The following USP2 variants were observed in gnomAD, a reference collection of about 807,000 sequenced individuals.
The protein encoded by USP2 is ubiquitin carboxyl-terminal hydrolase 2.
A neutral mutation model predicts 72.0 loss-of-function variants in USP2; 33 were observed. The observed-to-expected ratio is 0.46, with a 90% CI of 0.35 to 0.61. The LOEUF (loss-of-function observed/expected upper bound fraction) is 0.61. Ranked by LOEUF, USP2 falls within the 20% of genes least tolerant of loss-of-function variation. USP2 has a pLI of 0.01. For missense variants in USP2, 691 were observed against 797.8 expected (o/e 0.87, Z 1.61); for synonymous variants, 296 against 312.5 (o/e 0.95, Z 0.56).
intron 1 of USP2, among the ~76,000 whole-genome samples, chr11:119,381,201 A>T (rs1490154320): frequency 6.6e-6 from 1 of 152,030 alleles, no homozygotes; most frequent in Non-Finnish European, 1.5e-5. Flanking sequence ...ACCGATATAC[A>T]CGGGGCACAG....
At position 119,356,659 on chromosome 11, in the gene USP2, C is replaced by T; in HGVS notation, c.*176G>A. On this transcript the variant is annotated 3_prime_UTR_variant, in exon 13 of 13. Coordinates refer to ENST00000260187, the MANE Select transcript of USP2 (RefSeq NM_004205.5). ...CCTGCCGGGCCACAGCTCAGGAAAGCCCGGCTCCTTGCTCCAGACCCTGAT... is the reference window on the plus strand; with the variant it reads ...CCTGCCGGGCCACAGCTCAGGAAAGTCCGGCTCCTTGCTCCAGACCCTGAT... The T allele has an allele frequency of 1.5e-6, 1 of 648,150 alleles. No individual in the cohort carries two copies. Among genetic ancestry groups the T allele is most frequent in the Non-Finnish European group, 2.6e-6 (1 of 388,352 alleles). 40.1% of individuals were successfully genotyped at this position (648,150 alleles called of 1,614,324 possible).
chr11:119,379,137 G>A (rs948715654), intron 1 of USP2: 208 of 985,350 alleles, frequency 2.1e-4, no homozygotes, highest in Non-Finnish European at 2.4e-4. Flanking sequence ...TACTGACTCC[G>A]ATATATATAG....
chr11:119,356,057 A>AC lies in USP2; in HGVS notation c.*777_*778insG, dbSNP rs1234625742. 4.0e-5 allele frequency: 6 copies of AC among 150,780 alleles called. No individual in the cohort carries two copies. The highest frequency in any genetic ancestry group is 1.2e-4 in the African/African-American group (5 of 40,968). 9.3% of individuals were successfully genotyped at this position (150,780 alleles called of 1,614,324 possible). On this transcript the variant is annotated 3_prime_UTR_variant, in exon 13 of 13. Transcript: ENST00000260187. ...TTCCATTCAAAACATTAAAAAAAAAAAAAAAAAACCCAAACCCCCAAAACA... is the reference window on the plus strand; with the variant it reads ...TTCCATTCAAAACATTAAAAAAAAAACAAAAAAAACCCAAACCCCCAAAACA...
intron 1 of USP2, among the ~76,000 whole-genome samples, chr11:119,375,111 C>A (rs1268014985): frequency 6.6e-6 from 1 of 152,236 alleles, no homozygotes; most frequent in African/African-American, 2.4e-5. Flanking sequence ...CCAGGCCTCC[C>A]CCTGCAGCCC....
chr11:119,357,628 C>A (rs765796986), intron 10 of USP2, 38 bp from the exon 11 acceptor site: 1 of 1,614,014 alleles, frequency 6.2e-7, no homozygotes, highest in Admixed American at 1.7e-5. Flanking sequence ...CAAACCAATG[C>A]AGAAGGGCAG....
rs1950639235 is a variant in USP2, at chr11:119,355,714, TAA to T, written c.*1119_*1120del. The stretch of plus-strand genomic sequence containing the variant: ...AGGAAGGCCAGGGGGAAAGGGATGT[TAA>T]GAGAATAAATAAAAGGGAGAGAAGC... On this transcript the variant is annotated 3_prime_UTR_variant, in exon 13 of 13. Coordinates refer to ENST00000260187, the MANE Select transcript of USP2 (RefSeq NM_004205.5). 6.6e-6 allele frequency: 1 copy of T among 151,896 alleles called. No homozygotes were observed. The highest frequency in any genetic ancestry group is 2.1e-4 in the South Asian group (1 of 4,804). The allele number at this position is 151,896 out of a possible 1,614,324, so 9.4% of individuals were successfully genotyped here.
Position 119,356,870 on chromosome 11 carries a change from A to G in USP2, c.1783T>C (p.Phe595Leu). The change falls in exon 13 of 13, where the codon TTC becomes CTC. Residue 595 changes from phenylalanine (F) to leucine (L), a missense_variant. By Grantham distance (22) the Phe-to-Leu change is conservative. Coordinates refer to ENST00000260187, the MANE Select transcript of USP2 (RefSeq NM_004205.5). Reference protein sequence around the residue: ...QVRTSDAYLLFYELASPPSRM With the variant: ...QVRTSDAYLLLYELASPPSRM ...GAGGGCGGGCTGGCCAGTTCGTAGAAGAGCAGGTAGGCGTCGCTGGTGCGC... is the reference window on the plus strand; with the variant it reads ...GAGGGCGGGCTGGCCAGTTCGTAGAGGAGCAGGTAGGCGTCGCTGGTGCGC... 2 of 1,566,004 alleles carry G rather than the reference A, an allele frequency of 1.3e-6. No individual in the cohort carries two copies. Among genetic ancestry groups the G allele is most frequent in the Non-Finnish European group, 1.7e-6 (2 of 1,155,640 alleles).
At chr11:119,360,155 G>C in intron 3 of USP2, 29 bp downstream of exon 3, 1 of 1,611,416 alleles carries the variant, frequency 6.2e-7, no homozygotes, top group Admixed American at 1.7e-5. Context: ...GGGTGGGCCT[G>C]GGGAAGAAGC....
chr11:119,359,586 G>A lies in USP2; in HGVS notation c.900C>T (p.Tyr300=), dbSNP rs765060665. Residue 300 remains tyrosine, a synonymous_variant, in exon 4 of 13, where the codon TAC becomes TAT. Coordinates refer to ENST00000260187, the MANE Select transcript of USP2 (RefSeq NM_004205.5). ...TGCTGCCGTGGTGCAGGTCCCGCAT[G>A]TAGAGCCTCTGGAGGCAGTAATCTC... ...ELRDYCLQRL[Y]MRDLHHGSNA... The A allele has an allele frequency of 7.4e-6, 12 of 1,613,948 alleles. No individual in the cohort carries two copies. The highest frequency in any genetic ancestry group is 2.2e-5 in the East Asian group (1 of 44,884).
chr11:119,372,674 C>T (rs776330828), intron 2 of USP2, 33 bp downstream of exon 2: 29 of 1,502,678 alleles, frequency 1.9e-5, no homozygotes, highest in Non-Finnish European at 2.6e-5. Flanking sequence ...GCTGCCTCCC[C>T]AGCCTATCCC....
chr11:119,358,956 A>G (rs1950717967), intron 6 of USP2, 68 bp downstream of exon 6: 1 of 1,585,522 alleles, frequency 6.3e-7, no homozygotes, highest in South Asian at 1.1e-5. Flanking sequence ...CATTAACCCC[A>G]AAGTGGTGGG....
At position 119,373,075 on chromosome 11, in the gene USP2, G is replaced by T; in HGVS notation, c.406C>A (p.Leu136Ile). The change falls in exon 2 of 13, where the codon CTA becomes ATA. Residue 136 changes from leucine to isoleucine, a missense_variant. Coordinates refer to ENST00000260187, the MANE Select transcript of USP2 (RefSeq NM_004205.5). ...GATTGGCTGTCCAGCTTCTGGGTTA[G>T]GGTCACCCCCTGGTCATAGGCATTG... Reference protein sequence around the residue: ...PINAYDQGVTLTQKLDSQSDL... With the variant: ...PINAYDQGVTITQKLDSQSDL... 1 of 1,614,058 alleles carries T rather than the reference G, an allele frequency of 6.2e-7. No homozygotes were observed. The highest frequency in any genetic ancestry group is 1.1e-5 in the South Asian group (1 of 91,090).
chr11:119,364,190 T>C (rs1239647921), intron 2 of USP2: 4 of 1,170,868 alleles, frequency 3.4e-6, no homozygotes, highest in Non-Finnish European at 4.2e-6. Context: ...GGGTCCCGGC[T>C]CTCGCGCTCC....
chr11:119,376,170 T>C, intron 1 of USP2: 1 of 985,602 alleles, frequency 1.0e-6, no homozygotes, highest in Non-Finnish European at 1.2e-6. Context: ...CTCTCAAAGG[T>C]CCTAGCACCT....
chr11:119,365,384 C>T (rs1361873386), intron 2 of USP2, among the ~76,000 whole-genome samples: 2 of 152,040 alleles, frequency 1.3e-5, no homozygotes, highest in East Asian at 1.9e-4. Context: ...TGTGTGCCAG[C>T]AGTGTGGTGG....
At chr11:119,367,985 C>G (rs1392218019) in intron 2 of USP2, among the ~76,000 whole-genome samples, 1 of 152,096 alleles carries the variant, frequency 6.6e-6, no homozygotes, top group Non-Finnish European at 1.5e-5. Context: ...GAGGAGGAGG[C>G]GGGAGGATGG....
At position 119,356,528 on chromosome 11, in the gene USP2, T is replaced by TC. The variant is rs966455594; in HGVS notation, c.*306dup. On this transcript the variant is annotated 3_prime_UTR_variant, in exon 13 of 13. Transcript: ENST00000260187. ...GCGGGAAGCGGCGCAGCGAGGGTCT[T>TC]CCCCCCCAAGACACAGTTGTTTCTG... The TC allele has an allele frequency of 4.2e-5, 12 of 288,600 alleles. No homozygotes were observed. Among genetic ancestry groups the TC allele is most frequent in the East Asian group, 1.1e-4 (2 of 17,536 alleles). 17.9% of individuals were successfully genotyped at this position (288,600 alleles called of 1,614,324 possible).
intron 1 of USP2, among the ~76,000 whole-genome samples, chr11:119,379,917 CTTTTTT>C (rs397816714): frequency 1.7e-5 from 2 of 116,546 alleles, no homozygotes; most frequent in African/African-American, 3.3e-5. Flanking sequence ...GTTCCTTTCT[CTTTTTT>C]TTTTTTTTTT....
Position 119,355,706 on chromosome 11 carries a change from A to AG in USP2, c.*1128dup, listed in dbSNP as rs943895019. The AG allele has an allele frequency of 1.3e-5, 2 of 152,294 alleles. No homozygotes were observed. Among genetic ancestry groups the AG allele is most frequent in the Admixed American group, 1.3e-4 (2 of 15,250 alleles). 9.4% of individuals were successfully genotyped at this position (152,294 alleles called of 1,614,324 possible). ...GCGGGGGCAGGAAGGCCAGGGGGAA[A>AG]GGGATGTTAAGAGAATAAATAAAAG... On this transcript the variant is annotated 3_prime_UTR_variant, in exon 13 of 13. Transcript: ENST00000260187.
Sources: gnomAD v4.1 joint callset for allele counts (sites outside exome capture counted in the v4.1 genomes callset) on GRCh38, gnomAD v4.1.1 for gene constraint, MANE v1.5 for transcripts, NCBI Gene and HGNC (gene_info 2026-07-23, HGNC 2026-07-21) for gene names.